Variants in ADGRV1 observed in about 807,000 individuals in gnomAD.
ADGRV1 encodes the protein adhesion G protein-coupled receptor V1, also known as G-protein coupled receptor 98.
A neutral mutation model predicts 596.2 loss-of-function variants in ADGRV1; 359 were observed. The ratio of observed to expected loss-of-function variants is 0.60; its 90% CI spans 0.55 to 0.66. The LOEUF (loss-of-function observed/expected upper bound fraction) is 0.66, where lower values mean the gene tolerates loss of function less well. Among genes scored for constraint, ADGRV1 ranks in the 30% least tolerant of loss-of-function variants. The pLI is 0.00. For synonymous variants in ADGRV1, 2,681 were observed against 2,679.2 expected, an observed-to-expected ratio of 1.00 and a Z score of -0.02; for missense variants, 7,274 against 7,575.6, an observed-to-expected ratio of 0.96 and a Z score of 1.48.
intron 86 of ADGRV1, among the ~76,000 whole-genome samples, chr5:91,088,699 A>G (rs998328236): frequency 6.6e-6 from 1 of 152,162 alleles, no homozygotes; most frequent in African/African-American, 2.4e-5. Flanking sequence ...TCTAATATCT[A>G]CCATATATTT....
At chr5:91,137,472 G>A (rs1439221192) in intron 87 of ADGRV1, among the ~76,000 whole-genome samples, 2 of 152,100 alleles carry the variant, frequency 1.3e-5, no homozygotes, top group South Asian at 4.1e-4. Flanking sequence ...CATATGCCTC[G>A]TATTTTAACT....
intron 50 of ADGRV1, among the ~76,000 whole-genome samples, chr5:90,736,447 G>T (rs891602490): frequency 6.6e-6 from 1 of 151,594 alleles, no homozygotes. Flanking sequence ...TTTCTTATAG[G>T]GTCTTTGGCC....
At chr5:90,865,769 C>A (rs1011255342) in intron 83 of ADGRV1, among the ~76,000 whole-genome samples, 1 of 152,118 alleles carries the variant, frequency 6.6e-6, no homozygotes, top group African/African-American at 2.4e-5. Context: ...AACCTTTTAG[C>A]TAAGGCTTTA....
intron 34 of ADGRV1, among the ~76,000 whole-genome samples, chr5:90,697,961 A>T (rs1463003546): frequency 6.6e-6 from 1 of 152,206 alleles, no homozygotes; most frequent in African/African-American, 2.4e-5. Flanking sequence ...ACATAGAGAG[A>T]TTAAAAGACT....
chr5:90,667,176 A>C (rs1479375784), intron 21 of ADGRV1, among the ~76,000 whole-genome samples: 1 of 145,936 alleles, frequency 6.9e-6, no homozygotes, highest in Non-Finnish European at 1.5e-5. Context: ...AGATTGGGGA[A>C]GTTCTCCTGG....
rs539072757 is a variant in ADGRV1, at chr5:90,729,890, G to A, written c.10549+126G>A. On this transcript the variant is annotated intron_variant, in intron 50 of 89. Coordinates refer to ENST00000405460, the MANE Select transcript of ADGRV1 (RefSeq NM_032119.4). ...TGGGTATTTTTTTTTTTTTGGAGATGGGGTCTAGCTGTGTTGCCCAGGCTG... is the reference window on the plus strand; with the variant it reads ...TGGGTATTTTTTTTTTTTTGGAGATAGGGTCTAGCTGTGTTGCCCAGGCTG... 1.4e-4 allele frequency: 127 copies of A among 899,482 alleles called. 1 individual carries two copies. The African/African-American group carries it at 1.7e-3, about 12-fold the overall frequency. The allele number at this position is 899,482 out of a possible 1,614,324, so 55.7% of individuals were successfully genotyped here. A position where few individuals can be genotyped will look rare whatever the true frequency, so the allele number is the denominator to read the frequency against.
At chr5:90,955,165 T>C (rs914262296) in intron 83 of ADGRV1, among the ~76,000 whole-genome samples, 1 of 152,164 alleles carries the variant, frequency 6.6e-6, no homozygotes, top group African/African-American at 2.4e-5. Flanking sequence ...GATCTTGGAC[T>C]TTCCATCCTC....
chr5:91,118,827 C>T (rs1324789329), intron 87 of ADGRV1, among the ~76,000 whole-genome samples: 1 of 152,010 alleles, frequency 6.6e-6, no homozygotes, highest in African/African-American at 2.4e-5. Context: ...AGAATGGCAC[C>T]AGTCAGGGGC....
intron 83 of ADGRV1, among the ~76,000 whole-genome samples, chr5:90,886,006 G>A (rs564332973): frequency 7.9e-5 from 12 of 152,116 alleles, no homozygotes; most frequent in Non-Finnish European, 5.9e-5. Context: ...TACTAATCCC[G>A]TGATGTCCTC....
intron 85 of ADGRV1, among the ~76,000 whole-genome samples, chr5:91,044,731 C>T (rs934297051): frequency 8.5e-5 from 13 of 152,096 alleles, no homozygotes; most frequent in African/African-American, 2.9e-4. Context: ...TTTAGGTACA[C>T]GCTGTCAGTA....
intron 83 of ADGRV1, among the ~76,000 whole-genome samples, chr5:90,919,363 G>A (rs1773671236): frequency 6.6e-6 from 1 of 152,166 alleles, no homozygotes; most frequent in South Asian, 2.1e-4. Context: ...AGATAGGATT[G>A]GAGACTTCAA....
At chr5:90,630,839 T>C (rs1328542630) in intron 9 of ADGRV1, among the ~76,000 whole-genome samples, 2 of 152,202 alleles carry the variant, frequency 1.3e-5, no homozygotes, top group Non-Finnish European at 2.9e-5. Flanking sequence ...CTTGCTGCTG[T>C]CTTCCTGTGT....
At chr5:90,671,082 C>T (rs143771151) in intron 21 of ADGRV1, among the ~76,000 whole-genome samples, 3 of 152,244 alleles carry the variant, frequency 2.0e-5, no homozygotes, top group African/African-American at 7.2e-5. Flanking sequence ...CTGTTGAAGA[C>T]CCAGGCACAG....
intron 1 of ADGRV1, among the ~76,000 whole-genome samples, chr5:90,607,090 C>T (rs2152035296): frequency 6.6e-6 from 1 of 152,108 alleles, no homozygotes; most frequent in Admixed American, 6.6e-5. Context: ...GGTTTTCAAA[C>T]AATTAGAGAA....
intron 26 of ADGRV1, among the ~76,000 whole-genome samples, chr5:90,680,311 C>T (rs1219547602): frequency 1.3e-5 from 2 of 150,702 alleles, no homozygotes; most frequent in East Asian, 2.0e-4. Flanking sequence ...ACCAAGATTG[C>T]GTCACTGCAC....
At chr5:90,593,787 A>G (rs1047851243) in intron 1 of ADGRV1, among the ~76,000 whole-genome samples, 3 of 152,088 alleles carry the variant, frequency 2.0e-5, no homozygotes, top group Non-Finnish European at 4.4e-5. Context: ...ATCATTAACT[A>G]TGATCTTGGT....
At chr5:90,799,381 G>A (rs890779561) in intron 70 of ADGRV1, among the ~76,000 whole-genome samples, 18 of 152,120 alleles carry the variant, frequency 1.2e-4, no homozygotes, top group African/African-American at 4.1e-4. Context: ...GGATGTGAAG[G>A]ACCTTTTCAA....
At chr5:90,602,911 G>A (rs1264183660) in intron 1 of ADGRV1, among the ~76,000 whole-genome samples, 1 of 152,186 alleles carries the variant, frequency 6.6e-6, no homozygotes, top group African/African-American at 2.4e-5. Flanking sequence ...AAGTGGTGTG[G>A]CAGTGGTTTC....
intron 70 of ADGRV1, among the ~76,000 whole-genome samples, chr5:90,796,025 C>G (rs928466645): frequency 6.6e-6 from 1 of 152,130 alleles, no homozygotes; most frequent in Non-Finnish European, 1.5e-5. Flanking sequence ...GGGGAGAAAC[C>G]AGAGCAAAAA....
Sources: gnomAD v4.1 joint callset for allele counts (sites outside exome capture counted in the v4.1 genomes callset) on GRCh38, gnomAD v4.1.1 for gene constraint, MANE v1.5 for transcripts, NCBI Gene and HGNC (gene_info 2026-07-23, HGNC 2026-07-21) for gene names.